LCLAT1: variants seen among roughly 807,000 people sequenced by gnomAD.
The protein encoded by LCLAT1 is 1-AGP acyltransferase 8.
A neutral mutation model predicts 30.7 loss-of-function variants in LCLAT1; 11 were observed. The ratio of observed to expected loss-of-function variants is 0.36; its 90% CI spans 0.23 to 0.59. LCLAT1 has a LOEUF of 0.59. Among genes scored for constraint, LCLAT1 ranks in the 20% least tolerant of loss-of-function variants. The pLI is 0.77. For synonymous variants in LCLAT1, 155 were observed against 151.3 expected, an observed-to-expected ratio of 1.02 and a Z score of -0.18; for missense variants, 402 against 458.6, an observed-to-expected ratio of 0.88 and a Z score of 1.13.
At chr2:30,479,916 C>G (rs539250220) in intron 1 of LCLAT1, among the ~76,000 whole-genome samples, 1 of 152,304 alleles carries the variant, frequency 6.6e-6, no homozygotes, top group East Asian at 1.9e-4. Flanking sequence ...TTTTAGGTAA[C>G]TCATTGACCT....
At position 30,606,324 on chromosome 2, in the gene LCLAT1, C is replaced by T. The variant is rs566859532; in HGVS notation, c.629-33793C>T. 1.1e-3 allele frequency: 307 copies of T among 284,940 alleles called. 2 individuals are homozygous for T. The highest frequency in any genetic ancestry group is 6.9e-3 in the African/African-American group (286 of 41,650). The allele number at this position is 284,940 out of a possible 1,614,324, so 17.7% of individuals were successfully genotyped here. ...AACACAGCTGGAGGCATCACATTACCTGACTTCAAACTATACTACAGGGCT... is the reference window on the plus strand; with the variant it reads ...AACACAGCTGGAGGCATCACATTACTTGACTTCAAACTATACTACAGGGCT... On this transcript the variant is annotated intron_variant, in intron 5 of 5. Coordinates refer to ENST00000379509, the MANE Select transcript of LCLAT1 (RefSeq NM_001002257.3).
intron 1 of LCLAT1, among the ~76,000 whole-genome samples, chr2:30,449,564 G>T (rs1014097743): frequency 1.3e-5 from 2 of 151,084 alleles, no homozygotes; most frequent in Non-Finnish European, 2.9e-5. Context: ...GCAATGGCAC[G>T]ATCTCGGCTC....
At chr2:30,465,613 C>T (rs1006961030) in intron 1 of LCLAT1, among the ~76,000 whole-genome samples, 5 of 152,196 alleles carry the variant, frequency 3.3e-5, no homozygotes, top group African/African-American at 1.2e-4. Context: ...CTTATCTACT[C>T]TTTGCTAATC....
chr2:30,516,385 C>T (rs564205886), intron 1 of LCLAT1, among the ~76,000 whole-genome samples: 5 of 152,304 alleles, frequency 3.3e-5, no homozygotes, highest in South Asian at 2.1e-4. Context: ...GCTCTGGATC[C>T]GGCAAGGTGT....
chr2:30,468,015 A>G (rs13383403), intron 1 of LCLAT1, among the ~76,000 whole-genome samples: 2 of 152,168 alleles, frequency 1.3e-5, no homozygotes, highest in Non-Finnish European at 1.5e-5. Flanking sequence ...GTCCTTGCCC[A>G]TGCCTATGTC....
At chr2:30,567,653 C>G (rs1234634992) in intron 4 of LCLAT1, among the ~76,000 whole-genome samples, 1 of 152,178 alleles carries the variant, frequency 6.6e-6, no homozygotes, top group African/African-American at 2.4e-5. Context: ...GCCATCAGAA[C>G]AAGACACACA....
At chr2:30,456,343 T>TGCCAGGTGGGAGGAGGAATCCAGGCTC (rs1681834716) in intron 1 of LCLAT1, among the ~76,000 whole-genome samples, 1 of 152,192 alleles carries the variant, frequency 6.6e-6, no homozygotes, top group African/African-American at 2.4e-5. Context: ...GTCTCATTAC[T>TGCCAGGTGGGAGGAGGAATCCAGGCTC]GCCAGGTGGG....
chr2:30,617,876 T>C (rs562056528), intron 5 of LCLAT1, among the ~76,000 whole-genome samples: 1 of 152,338 alleles, frequency 6.6e-6, no homozygotes, highest in African/African-American at 2.4e-5. Flanking sequence ...ATGTTTTATA[T>C]ATCTTAGATA....
At chr2:30,577,787 A>G (rs1666058249) in intron 5 of LCLAT1, among the ~76,000 whole-genome samples, 1 of 150,732 alleles carries the variant, frequency 6.6e-6, no homozygotes, top group South Asian at 2.1e-4. Flanking sequence ...TATTTGTGCT[A>G]TTCTTCTTCT....
chr2:30,629,490 G>T (rs1668668939), intron 5 of LCLAT1, among the ~76,000 whole-genome samples: 1 of 152,172 alleles, frequency 6.6e-6, no homozygotes, highest in Non-Finnish European at 1.5e-5. Flanking sequence ...AACCCGGGAA[G>T]TGGAAGTTGC....
At chr2:30,554,192 A>G (rs975614367) in intron 3 of LCLAT1, among the ~76,000 whole-genome samples, 1 of 152,236 alleles carries the variant, frequency 6.6e-6, no homozygotes. Flanking sequence ...TCCATCCCAC[A>G]TGGGGAGCAA....
chr2:30,453,742 T>C (rs1409424772), intron 1 of LCLAT1, among the ~76,000 whole-genome samples: 2 of 148,556 alleles, frequency 1.3e-5, no homozygotes, highest in African/African-American at 2.4e-5. Flanking sequence ...TGATGAAAAG[T>C]AAACATGACG....
chr2:30,467,114 G>C (rs192155516), intron 1 of LCLAT1, among the ~76,000 whole-genome samples: 1 of 151,556 alleles, frequency 6.6e-6, no homozygotes, highest in Admixed American at 6.6e-5. Flanking sequence ...GACAGGCCCC[G>C]ATGTGTGATG....
intron 1 of LCLAT1, among the ~76,000 whole-genome samples, chr2:30,521,766 A>C (rs1014249755): frequency 6.6e-6 from 1 of 151,774 alleles, no homozygotes; most frequent in Admixed American, 6.6e-5. Context: ...TGGCCTCCCA[A>C]AATGCTGGGA....
At chr2:30,629,735 T>G (rs530621628) in intron 5 of LCLAT1, among the ~76,000 whole-genome samples, 1 of 152,342 alleles carries the variant, frequency 6.6e-6, no homozygotes, top group East Asian at 1.9e-4. Flanking sequence ...ATATCCTTTT[T>G]AGTTAAGCTT....
intron 1 of LCLAT1, among the ~76,000 whole-genome samples, chr2:30,487,630 G>A (rs1683627166): frequency 1.3e-5 from 2 of 152,180 alleles, no homozygotes; most frequent in African/African-American, 4.8e-5. Flanking sequence ...TTAAGGGTGG[G>A]TGGGCAGCAA....
chr2:30,559,044 A>G (rs1665071606), intron 3 of LCLAT1, among the ~76,000 whole-genome samples: 1 of 152,232 alleles, frequency 6.6e-6, no homozygotes, highest in East Asian at 1.9e-4. Context: ...AAAGAAGAAA[A>G]TACTGCCACA....
At chr2:30,508,767 A>G (rs992392456) in intron 1 of LCLAT1, among the ~76,000 whole-genome samples, 2 of 152,114 alleles carry the variant, frequency 1.3e-5, no homozygotes, top group Non-Finnish European at 2.9e-5. Context: ...TTGGTTCCAT[A>G]TGATTTTTAA....
chr2:30,534,151 G>A (rs1399481138), intron 3 of LCLAT1, among the ~76,000 whole-genome samples: 1 of 151,836 alleles, frequency 6.6e-6, no homozygotes, highest in Non-Finnish European at 1.5e-5. Flanking sequence ...ATTTGTGAGG[G>A]CAAAGGGCAG....
Sources: gnomAD v4.1 joint callset for allele counts (sites outside exome capture counted in the v4.1 genomes callset) on GRCh38, gnomAD v4.1.1 for gene constraint, MANE v1.5 for transcripts, NCBI Gene and HGNC (gene_info 2026-07-23, HGNC 2026-07-21) for gene names.